Variants in PPM1G observed in about 807,000 individuals in gnomAD.
PPM1G encodes the protein protein phosphatase, Mg2+/Mn2+ dependent 1G.
PPM1G carries 12 observed loss-of-function variants against 59.4 expected under a neutral mutation model. The ratio of observed to expected loss-of-function variants is 0.20; its 90% CI spans 0.13 to 0.33. The LOEUF (loss-of-function observed/expected upper bound fraction) is 0.33. Among genes scored for constraint, PPM1G ranks in the 10% least tolerant of loss-of-function variants. The pLI is 1.00. For missense variants in PPM1G, 392 were observed against 681.3 expected, an observed-to-expected ratio of 0.58 and a Z score of 4.73; for synonymous variants, 245 against 251.9, an observed-to-expected ratio of 0.97 and a Z score of 0.26.
At chr2:27,406,588 TCTCTACA>T (rs1663366369) in intron 1 of PPM1G, among the ~76,000 whole-genome samples, 1 of 152,088 alleles carries the variant, frequency 6.6e-6, no homozygotes, top group African/African-American at 2.4e-5. Flanking sequence ...TCTAGTAAGA[TCTCTACA>T]CACTAAACCG....
intron 1 of PPM1G, among the ~76,000 whole-genome samples, chr2:27,404,947 GAAAAAAA>G (rs527530570): frequency 3.3e-5 from 2 of 61,340 alleles, no homozygotes; most frequent in Admixed American, 3.7e-4. Context: ...CCGTCTCGGA[GAAAAAAA>G]AAAAAAAAAA....
chr2:27,405,595 C>T (rs908106908), intron 1 of PPM1G, among the ~76,000 whole-genome samples: 1 of 151,632 alleles, frequency 6.6e-6, no homozygotes, highest in Admixed American at 6.6e-5. Context: ...CGGGGTTTCA[C>T]CATGTTGACT....
Position 27,383,640 on chromosome 2 carries a change from C to T in PPM1G, c.967-40G>A. On this transcript the variant is annotated intron_variant, in intron 6 of 9. Transcript: ENST00000344034. The surrounding 1 kb of genome is among the most constrained non-coding windows in gnomAD (Gnocchi z 5.0). ...AAGGAGCATCATGGGGGCTTCTGAA[C>T]ATGCGTTCCTCACTGATGTGCTCCT... is the stretch of plus-strand genomic sequence containing the variant. 6.5e-7 allele frequency: 1 copy of T among 1,547,554 alleles called. No homozygotes were observed. The highest frequency in any genetic ancestry group is 8.8e-7 in the Non-Finnish European group (1 of 1,137,100).
In PPM1G at chr2:27,384,533, C is replaced by G; in HGVS notation, c.825+140G>C. The G allele has an allele frequency of 1.8e-6, 2 of 1,098,326 alleles. No individual in the cohort carries two copies. Among genetic ancestry groups the G allele is most frequent in the Non-Finnish European group, 1.3e-6 (1 of 769,112 alleles). The allele number at this position is 1,098,326 out of a possible 1,614,324, so 68.0% of individuals were successfully genotyped here. On this transcript the variant is annotated intron_variant, in intron 5 of 9. Transcript: ENST00000344034. The surrounding 1 kb of genome is among the most constrained non-coding windows in gnomAD (Gnocchi z 4.8). ...CTGTGATGATGGAGCTCAATGAATT[C>G]AAGACTAAAGCTTAGAATACAGTGG...
chr2:27,383,845 C>T lies in PPM1G; in HGVS notation c.966+107G>A. 6.8e-7 allele frequency: 1 copy of T among 1,472,732 alleles called. No individual in the cohort carries two copies. The highest frequency in any genetic ancestry group is 9.1e-7 in the Non-Finnish European group (1 of 1,094,092). The allele number at this position is 1,472,732 out of a possible 1,614,324, so 91.2% of individuals were successfully genotyped here. A position where few individuals can be genotyped will look rare whatever the true frequency, so the allele number is the denominator to read the frequency against. ...GCAGAATAAATCCCCATGACTATTA[C>T]TTCCATCCTAAAGTATCAGGGGGAT... On this transcript the variant is annotated intron_variant, in intron 6 of 9. Transcript: ENST00000344034. This position sits in a 1 kb window ranked among gnomAD's most constrained non-coding sequence, Gnocchi z 5.0.
chr2:27,391,482 G>A (rs1240008376), intron 1 of PPM1G, among the ~76,000 whole-genome samples: 1 of 152,182 alleles, frequency 6.6e-6, no homozygotes, highest in African/African-American at 2.4e-5. Context: ...CGTCTTTTGA[G>A]AAGTATCTGT....
chr2:27,398,765 T>C (rs1038473246), intron 1 of PPM1G, among the ~76,000 whole-genome samples: 29 of 148,418 alleles, frequency 2.0e-4, no homozygotes, highest in African/African-American at 7.0e-4. Flanking sequence ...GAGGTTGCAG[T>C]GAGCCGAGAT....
chr2:27,393,475 G>A (rs950405650), intron 1 of PPM1G: 1 of 780,562 alleles, frequency 1.3e-6, no homozygotes, highest in Non-Finnish European at 2.2e-6. Context: ...AGGTGACGGA[G>A]GGCTGGCTAT....
Position 27,381,464 on chromosome 2 carries a change from TG to T in PPM1G, c.*134del, listed in dbSNP as rs2148416453. On this transcript the variant is annotated 3_prime_UTR_variant, in exon 10 of 10. Transcript: ENST00000344034. ...TGTGGAGGGAGAGCCCTCTTTGGAA[TG>T]GGCGGAGTGAAGCCACCCAGCTCCC... is the stretch of plus-strand genomic sequence containing the variant. The T allele has an allele frequency of 5.4e-6, 5 of 927,040 alleles. No homozygotes were observed. The highest frequency in any genetic ancestry group is 5.0e-5 in the East Asian group (2 of 39,618). The allele number at this position is 927,040 out of a possible 1,614,324, so 57.4% of individuals were successfully genotyped here.
chr2:27,391,307 T>C (rs1572663446), intron 1 of PPM1G, among the ~76,000 whole-genome samples: 1 of 152,218 alleles, frequency 6.6e-6, no homozygotes. Context: ...ACCAACAGTG[T>C]ACAAGTGTCT....
At chr2:27,386,425 G>A (rs1459718789) in intron 2 of PPM1G, 146 bp from the exon 3 acceptor site, 9 of 531,724 alleles carry the variant, frequency 1.7e-5, no homozygotes, top group South Asian at 2.8e-5. Flanking sequence ...GAAGGACACT[G>A]TTTGGGGAAG....
At chr2:27,390,232 C>A (rs1683867236) in intron 1 of PPM1G, among the ~76,000 whole-genome samples, 1 of 152,110 alleles carries the variant, frequency 6.6e-6, no homozygotes, top group African/African-American at 2.4e-5. Flanking sequence ...GTTGCCCAGG[C>A]TCTTCTCAAA....
rs143551387 is a variant in PPM1G at position 27,387,102 on chromosome 2, G to A, written c.177C>T (p.Tyr59=). 6.2e-6 allele frequency: 10 copies of A among 1,611,992 alleles called. No individual in the cohort carries two copies. Among genetic ancestry groups the A allele is most frequent in the African/African-American group, 1.3e-5 (1 of 74,990 alleles). ...LDSETAMFSV[Y]DGHGGEEVAL... ...TGTTAAAGTTACCTCCATGTCCATC[G>A]TAGACAGAAAACATGGCTGTCTCAC... is the stretch of plus-strand genomic sequence containing the variant. The change falls in exon 2 of 10, where the codon TAC becomes TAT. Residue 59 remains tyrosine, a synonymous_variant. Coordinates refer to ENST00000344034, the MANE Select transcript of PPM1G (RefSeq NM_177983.3).
Position 27,385,722 on chromosome 2 carries a change from C to T in PPM1G, c.409+25G>A, listed in dbSNP as rs1216659352. 9.4e-6 allele frequency: 15 copies of T among 1,591,614 alleles called. No individual in the cohort carries two copies. In the South Asian group the frequency reaches 1.0e-4, roughly 11 times the overall value. ...ATATTTCTTAAAATGCTGATTTCCC[C>T]TCAAACAAGGGATGCCACACTCACC... On this transcript the variant is annotated intron_variant, in intron 4 of 9. Transcript: ENST00000344034. The surrounding 1 kb of genome is among the most constrained non-coding windows in gnomAD (Gnocchi z 4.1).
intron 9 of PPM1G, 116 bp from the exon 10 acceptor site, chr2:27,381,921 A>G (rs1683640697): frequency 1.8e-6 from 2 of 1,121,724 alleles, no homozygotes; most frequent in Non-Finnish European, 2.6e-6. Context: ...AATGGGCAAG[A>G]GGTATCACAC....
chr2:27,391,237 CTT>C (rs1683893052), intron 1 of PPM1G, among the ~76,000 whole-genome samples: 1 of 152,206 alleles, frequency 6.6e-6, no homozygotes, highest in Non-Finnish European at 1.5e-5. Flanking sequence ...TAGTTCCACT[CTT>C]AGTTCTCTGA....
At chr2:27,407,875 C>A (rs1663417585) in intron 1 of PPM1G, among the ~76,000 whole-genome samples, 1 of 152,030 alleles carries the variant, frequency 6.6e-6, no homozygotes, top group Non-Finnish European at 1.5e-5. Flanking sequence ...TGAAGAAACC[C>A]TGTCTCTACT....
At position 27,382,529 on chromosome 2, in the gene PPM1G, C is replaced by A. The variant is rs1683658917; in HGVS notation, c.1278G>T (p.Val426=). The change falls in exon 8 of 10, where the codon GTG becomes GTT. Residue 426 remains valine (V), a synonymous_variant. Coordinates refer to ENST00000344034, the MANE Select transcript of PPM1G (RefSeq NM_177983.3). This position sits in a 1 kb window ranked among gnomAD's most constrained non-coding sequence, Gnocchi z 4.2. ...ATTCATGGTCGTCAGTGAGAGTCAG[C>A]ACCTTGATGTCAGGAAGGGCTGAAA... ...QMISALPDIK[V]LTLTDDHEFM... is the part of the protein sequence containing the mutation. 3 of 1,614,220 alleles carry A rather than the reference C, an allele frequency of 1.9e-6. 1 individual carries two copies. The African/African-American group carries it at 4.0e-5, about 22-fold the overall frequency.
chr2:27,394,278 T>C (rs1683991002), intron 1 of PPM1G, among the ~76,000 whole-genome samples: 1 of 152,244 alleles, frequency 6.6e-6, no homozygotes, highest in South Asian at 2.1e-4. Flanking sequence ...TATTTCATCT[T>C]ACCATATGCT....
Sources: gnomAD v4.1 joint callset for allele counts (sites outside exome capture counted in the v4.1 genomes callset) on GRCh38, gnomAD v4.1.1 for gene constraint, Gnocchi (gnomAD v3.1) non-coding constraint, MANE v1.5 for transcripts, NCBI Gene and HGNC (gene_info 2026-07-23, HGNC 2026-07-21) for gene names.